The following DDX42 variants were observed in gnomAD, a reference collection of about 807,000 sequenced individuals.
DDX42 encodes the protein ATP-dependent RNA helicase DDX42.
A neutral mutation model predicts 101.5 loss-of-function variants in DDX42; 22 were observed. That is an observed-to-expected ratio of 0.22 (90% CI 0.15 to 0.31). The LOEUF (loss-of-function observed/expected upper bound fraction) is 0.31. Ranked by LOEUF, DDX42 falls within the 10% of genes least tolerant of loss-of-function variation. The pLI is 1.00. For missense variants in DDX42, 849 were observed against 1,199.9 expected, an observed-to-expected ratio of 0.71 and a Z score of 4.32; for synonymous variants, 402 against 401.2, an observed-to-expected ratio of 1.00 and a Z score of -0.02.
chr17:63,799,717 A>G (rs2039739350), intron 5 of DDX42, 92 bp downstream of exon 5: 1 of 1,273,104 alleles, frequency 7.9e-7, no homozygotes, highest in Admixed American at 2.2e-5. Flanking sequence ...CAAAATGGCC[A>G]TTCCTGACAT....
chr17:63,787,065 G>A lies in DDX42; in HGVS notation c.16G>A (p.Gly6Ser), dbSNP rs773898781. Residue 6 changes from glycine to serine, a missense_variant, in exon 2 of 18, where the codon GGT becomes AGT. By Grantham distance (56) the Gly-to-Ser change is moderately conservative. Coordinates refer to ENST00000389924, the MANE Select transcript of DDX42 (RefSeq NM_203499.3). ...CATTGGCACCATGAACTGGAATAAA[G>A]GTGGTCCTGGCACTAAGCGAGGATT... MNWNK[G>S]GPGTKRGFGF... The A allele has an allele frequency of 1.2e-6, 2 of 1,614,144 alleles. No individual in the cohort carries two copies. Among genetic ancestry groups the A allele is most frequent in the South Asian group, 2.2e-5 (2 of 91,078 alleles).
intron 8 of DDX42, 122 bp downstream of exon 8, chr17:63,806,776 G>A: frequency 1.8e-6 from 2 of 1,086,768 alleles, no homozygotes; most frequent in Non-Finnish European, 2.5e-6. Flanking sequence ...AAGGATAGAG[G>A]TATTTATCAC....
chr17:63,815,713 C>T (rs201167815), intron 16 of DDX42, 40 bp downstream of exon 16: 6 of 1,392,732 alleles, frequency 4.3e-6, no homozygotes, highest in Admixed American at 3.9e-5. Flanking sequence ...TATAGTTGGT[C>T]TCATGTCCTG....
Position 63,774,311 on chromosome 17 carries a change from C to T in DDX42, c.-82C>T, listed in dbSNP as rs185955005. The T allele has an allele frequency of 1.2e-4, 33 of 269,980 alleles. 11 individuals are homozygous for T. The East Asian group carries it at 2.3e-3, about 19-fold the overall frequency. 16.7% of individuals were successfully genotyped at this position (269,980 alleles called of 1,614,324 possible). ...CGGGACCGGGCCGGGACAGCGCGTA[C>T]TTTGGGCTCCGGGATTCGCTCCGCG... On this transcript the variant is annotated 5_prime_UTR_variant, in exon 1 of 18. Transcript: ENST00000389924.
At chr17:63,815,515 G>T (rs1227568241) in intron 15 of DDX42, 48 bp from the exon 16 acceptor site, 3 of 1,423,782 alleles carry the variant, frequency 2.1e-6, no homozygotes, top group Middle Eastern at 1.8e-4. Context: ...CTCTTCTTCT[G>T]TTCTTTTCTC....
rs2039559345 is a variant in DDX42 at position 63,787,345 on chromosome 17, A to G, written c.221+75A>G. ...CATTCTATCAGCAGAAATTGAGGCA[A>G]AGAAACTTTGTTTCTCAAATAATAA... On this transcript the variant is annotated intron_variant, in intron 2 of 17. Transcript: ENST00000389924. The G allele has an allele frequency of 2.8e-6, 4 of 1,450,170 alleles. No individual in the cohort carries two copies. The Admixed American group carries it at 6.4e-5, about 23-fold the overall frequency. The allele number at this position is 1,450,170 out of a possible 1,614,324, so 89.8% of individuals were successfully genotyped here.
At chr17:63,817,055 C>T (rs530795179) in intron 17 of DDX42, 89 bp downstream of exon 17, 44 of 1,113,754 alleles carry the variant, frequency 4.0e-5, no homozygotes, top group Admixed American at 2.6e-4. Flanking sequence ...TGTAGCTGGG[C>T]GCCTAGGCTT....
At position 63,804,105 on chromosome 17, in the gene DDX42, A is replaced by AT. The variant is rs577401633; in HGVS notation, c.622-955dup. ...TTTTTTTTATGTATCCAGAACTATG[A>AT]TTTTTTTTTTTAACTACCTATAGAA... On this transcript the variant is annotated intron_variant, in intron 6 of 17. Coordinates refer to ENST00000389924, the MANE Select transcript of DDX42 (RefSeq NM_203499.3). 6.8e-3 allele frequency among the ~76,000 whole-genome samples: 1,011 copies of AT among 148,378 alleles called. 6 individuals carry two copies. Among genetic ancestry groups the AT allele is most frequent in the African/African-American group, 0.018 (751 of 40,692 alleles).
chr17:63,785,528 GAT>G (rs1337195335), intron 1 of DDX42, among the ~76,000 whole-genome samples: 7 of 76,538 alleles, frequency 9.1e-5, no homozygotes, highest in Middle Eastern at 5.6e-3. Flanking sequence ...TAGGGAGGCA[GAT>G]GTGAGAGGGG....
chr17:63,774,231 C>T lies in DDX42; in HGVS notation c.-162C>T, dbSNP rs759326702. 41 of 171,376 alleles carry T rather than the reference C, an allele frequency of 2.4e-4. No individual in the cohort carries two copies. The highest frequency in any genetic ancestry group is 2.0e-3 in the African/African-American group (15 of 7,574). The allele number at this position is 171,376 out of a possible 1,614,324, so 10.6% of individuals were successfully genotyped here. On this transcript the variant is annotated 5_prime_UTR_variant, in exon 1 of 18. Coordinates refer to ENST00000389924, the MANE Select transcript of DDX42 (RefSeq NM_203499.3). ...GTGGCGGTGGTGGCGGTGGCGGCGG[C>T]GGTGGTGGTGGTGGCGGCGGCGGCG...
chr17:63,808,977 C>G (rs765615293), intron 10 of DDX42, 29 bp downstream of exon 10: 1 of 1,605,668 alleles, frequency 6.2e-7, no homozygotes, highest in Non-Finnish European at 8.5e-7. Context: ...TAAATGGCTT[C>G]TCAGCCTCCC....
rs2039736480 is a variant in DDX42 at position 63,799,522 on chromosome 17, C to T, written c.435-67C>T. 4.4e-6 allele frequency: 7 copies of T among 1,573,862 alleles called. No individual in the cohort carries two copies. The South Asian group carries it at 8.0e-5, about 18-fold the overall frequency. On this transcript the variant is annotated intron_variant, in intron 4 of 17. Coordinates refer to ENST00000389924, the MANE Select transcript of DDX42 (RefSeq NM_203499.3). ...CTGTGTGGAATTCAACACTAATCTG[C>T]TGTAAGTATGGAGCTGGGTATGTGG...
At chr17:63,804,696 T>G (rs1193721185) in intron 6 of DDX42, among the ~76,000 whole-genome samples, 1 of 152,118 alleles carries the variant, frequency 6.6e-6, no homozygotes, top group East Asian at 1.9e-4. Flanking sequence ...TAGGTTGGTG[T>G]TAGGCTAGGC....
At chr17:63,775,835 G>GT (rs1315145140) in intron 1 of DDX42, among the ~76,000 whole-genome samples, 2 of 152,176 alleles carry the variant, frequency 1.3e-5, no homozygotes, top group Non-Finnish European at 2.9e-5. Flanking sequence ...GATTTATATT[G>GT]TAACAATTTA....
At chr17:63,777,631 A>C (rs1417860712) in intron 1 of DDX42, among the ~76,000 whole-genome samples, 2 of 151,858 alleles carry the variant, frequency 1.3e-5, no homozygotes, top group Non-Finnish European at 2.9e-5. Flanking sequence ...TGTATCTTTA[A>C]TAGAGATGGG....
At chr17:63,787,715 A>G (rs528631002) in intron 2 of DDX42, among the ~76,000 whole-genome samples, 7 of 151,974 alleles carry the variant, frequency 4.6e-5, no homozygotes, top group Admixed American at 1.3e-4. Context: ...GTGCACGCCT[A>G]TAATCCCAAC....
chr17:63,776,412 T>G (rs2039421524), intron 1 of DDX42: 1 of 152,352 alleles, frequency 6.6e-6, no homozygotes, highest in Admixed American at 6.5e-5. Context: ...GCTTGTTAGC[T>G]CATGGTGATC....
chr17:63,802,075 G>T (rs958973694), intron 6 of DDX42, among the ~76,000 whole-genome samples: 26 of 152,088 alleles, frequency 1.7e-4, no homozygotes, highest in African/African-American at 6.0e-4. Flanking sequence ...TTACATTGTT[G>T]GTGTAAAAGC....
At chr17:63,778,644 GTTT>G (rs111355576) in intron 1 of DDX42, among the ~76,000 whole-genome samples, 1 of 147,720 alleles carries the variant, frequency 6.8e-6, no homozygotes. Context: ...TGATAATAAA[GTTT>G]TTTTTTTTTT....
Sources: allele counts gnomAD v4.1 joint callset (sites outside exome capture counted in the v4.1 genomes callset), GRCh38; gene constraint gnomAD v4.1.1; transcripts MANE v1.5; gene names NCBI Gene and HGNC (gene_info 2026-07-23, HGNC 2026-07-21).